KLHL23: variants seen among roughly 807,000 people sequenced by gnomAD.
KLHL23 encodes kelch like family member 23, also known as kelch-like protein 23.
KLHL23 carries 33 observed loss-of-function variants against 48.9 expected under a neutral mutation model. The ratio of observed to expected loss-of-function variants is 0.67; its 90% confidence interval spans 0.51 to 0.90. KLHL23 has a LOEUF of 0.90. KLHL23 is among the 40% of genes least tolerant of loss of function. The pLI, the probability that KLHL23 is intolerant of heterozygous loss-of-function variation, is 0.00. For synonymous variants in KLHL23, 234 were observed against 231.6 expected, an observed-to-expected ratio of 1.01 and a Z score of -0.09; for missense variants, 608 against 669.6, an observed-to-expected ratio of 0.91 and a Z score of 1.02.
intron 2 of KLHL23, among the ~76,000 whole-genome samples, chr2:169,738,984 CCTCCCCCTCCT>C: frequency 1.1e-4 from 1 of 9,290 alleles, no homozygotes; most frequent in African/African-American, 7.5e-4. Context: ...TTCCCCTCCC[CCTCCCCCTCCT>C]CCCCTTCCCC....
chr2:169,750,144 ATGTG>A lies in KLHL23; in HGVS notation c.*414_*417del, dbSNP rs71006031. 1,467 of 124,028 alleles carry A rather than the reference ATGTG, an allele frequency of 0.012. 52 individuals are homozygous for A. Among genetic ancestry groups the A allele is most frequent in the African/African-American group, 0.042 (1,271 of 30,028 alleles). 7.7% of individuals were successfully genotyped at this position (124,028 alleles called of 1,614,324 possible). On this transcript the variant is annotated 3_prime_UTR_variant, in exon 4 of 4. Coordinates refer to ENST00000392647, the MANE Select transcript of KLHL23 (RefSeq NM_144711.6). The stretch of plus-strand genomic sequence containing the variant: ...TATATATACACATATATACGTATAT[ATGTG>A]TATATATATACACAGTTGAATCAGT...
chr2:169,745,053 C>T (rs1224021735), intron 3 of KLHL23, among the ~76,000 whole-genome samples: 1 of 151,390 alleles, frequency 6.6e-6, no homozygotes, highest in Non-Finnish European at 1.5e-5. Flanking sequence ...GCTGGGATTA[C>T]AGGCATGCAC....
chr2:169,749,388 A>C lies in KLHL23; in HGVS notation c.1367-34A>C, dbSNP rs769316285. On this transcript the variant is annotated intron_variant, in intron 3 of 3. Transcript: ENST00000392647. ...AATCTCTTTTGTTTGTTATCCTTTA[A>C]AAAAATGCTGTTTTCTTTTTTTCTT... 4.1e-4 allele frequency: 633 copies of C among 1,528,632 alleles called. 3 individuals are homozygous for C. Among genetic ancestry groups the C allele is most frequent in the Non-Finnish European group, 5.2e-4 (588 of 1,138,610 alleles). 94.7% of individuals were successfully genotyped at this position (1,528,632 alleles called of 1,614,324 possible). A position where few individuals can be genotyped will look rare whatever the true frequency, so the allele number is the denominator to read the frequency against.
chr2:169,745,136 T>G (rs1480864503), intron 3 of KLHL23, among the ~76,000 whole-genome samples: 1 of 151,520 alleles, frequency 6.6e-6, no homozygotes, highest in African/African-American at 2.4e-5. Context: ...AGGCTGGTCT[T>G]GAACTCCTGG....
Position 169,733,985 on chromosome 2 carries a change from T to A in KLHL23, c.-105T>A, listed in dbSNP as rs1688447119. 1 of 151,864 alleles carries A rather than the reference T, an allele frequency of 6.6e-6. No individual in the cohort carries two copies. The highest frequency in any genetic ancestry group is 2.1e-4 in the South Asian group (1 of 4,830). 9.4% of individuals were successfully genotyped at this position (151,864 alleles called of 1,614,324 possible). On this transcript the variant is annotated 5_prime_UTR_variant, in exon 1 of 4. Transcript: ENST00000392647. ...GGTGGAGCGGCACTAGCTGGCGGCT[T>A]CCGAGCGCCTCTTCCAAAGATGGTC...
At chr2:169,736,267 C>G (rs989433706) in intron 2 of KLHL23, 40 bp downstream of exon 2, 10 of 1,547,312 alleles carry the variant, frequency 6.5e-6, no homozygotes, top group Non-Finnish European at 8.7e-6. Context: ...TTTTAGATGT[C>G]TGGAGCTAGG....
chr2:169,749,857 G>C lies in KLHL23; in HGVS notation c.*125G>C. 8.4e-7 allele frequency: 1 copy of C among 1,187,414 alleles called. No homozygotes were observed. The highest frequency in any genetic ancestry group is 1.1e-6 in the Non-Finnish European group (1 of 869,802). 73.6% of individuals were successfully genotyped at this position (1,187,414 alleles called of 1,614,324 possible). A position where few individuals can be genotyped will look rare whatever the true frequency, so the allele number is the denominator to read the frequency against. ...GCACATGATAGGGGATCAGTAAATTGTAATTCCTAACCCTACTGTACTCCC... is the reference window on the plus strand; with the variant it reads ...GCACATGATAGGGGATCAGTAAATTCTAATTCCTAACCCTACTGTACTCCC... On this transcript the variant is annotated 3_prime_UTR_variant, in exon 4 of 4. Coordinates refer to ENST00000392647, the MANE Select transcript of KLHL23 (RefSeq NM_144711.6).
chr2:169,741,310 A>G (rs2105649578), intron 2 of KLHL23, 75 bp from the exon 3 acceptor site: 1 of 1,526,108 alleles, frequency 6.6e-7, no homozygotes, highest in East Asian at 2.3e-5. Flanking sequence ...AAAAACAACA[A>G]TAAATTTAGC....
intron 3 of KLHL23, among the ~76,000 whole-genome samples, chr2:169,742,248 A>T (rs972018132): frequency 1.3e-5 from 2 of 152,228 alleles, no homozygotes; most frequent in Admixed American, 1.3e-4. Flanking sequence ...ATAGAGCATC[A>T]GGCTTCCATG....
At position 169,749,688 on chromosome 2, in the gene KLHL23, A is replaced by G; in HGVS notation, c.1633A>G (p.Ser545Gly). 6.2e-7 allele frequency: 1 copy of G among 1,613,042 alleles called. No individual in the cohort carries two copies. The highest frequency in any genetic ancestry group is 8.5e-7 in the Non-Finnish European group (1 of 1,179,034). The part of the protein sequence containing the change: ...NKWEIVGNLP[S>G]AMRSHGCVCV... The stretch of plus-strand genomic sequence containing the variant: ...GTGGGAAATAGTGGGTAATCTTCCC[A>G]GTGCCATGCGGTCTCATGGGTGTGT... Residue 545 changes from serine to glycine, a missense_variant, in exon 4 of 4, where the codon AGT becomes GGT. By Grantham distance (56) the Ser-to-Gly change is moderately conservative. This residue lies in a region of KLHL23 where 179 missense variants were observed against 169.9 expected (regional missense o/e 1.05). Coordinates refer to ENST00000392647, the MANE Select transcript of KLHL23 (RefSeq NM_144711.6).
At chr2:169,739,454 A>C (rs925804671) in intron 2 of KLHL23, among the ~76,000 whole-genome samples, 5 of 152,110 alleles carry the variant, frequency 3.3e-5, no homozygotes, top group Non-Finnish European at 7.4e-5. Flanking sequence ...AACAACCCTC[A>C]ATGTGCCACC....
rs1480852543 is a variant in KLHL23, at chr2:169,737,867, G to A, written c.1213+1640G>A. Among the ~76,000 whole-genome samples, 3 of 152,158 alleles carry A rather than the reference G, an allele frequency of 2.0e-5. No homozygotes were observed. The East Asian group carries it at 5.8e-4, about 29-fold the overall frequency. On this transcript the variant is annotated intron_variant, in intron 2 of 3. Transcript: ENST00000392647. Reference sequence around the variant, plus strand: ...TGACCTCAAGTGATCCCCCCACCTTGGCCTCCCAAAGTGCTGGGATTACAA... The same window carrying A: ...TGACCTCAAGTGATCCCCCCACCTTAGCCTCCCAAAGTGCTGGGATTACAA...
Position 169,741,387 on chromosome 2 carries a change from G to A in KLHL23, c.1216G>A (p.Val406Met). 2 of 1,609,256 alleles carry A rather than the reference G, an allele frequency of 1.2e-6. No homozygotes were observed. The highest frequency in any genetic ancestry group is 1.1e-5 in the South Asian group (1 of 90,798). The change falls in exon 3 of 4, where the codon GTG (valine) becomes ATG (methionine). Residue 406 changes from valine to methionine, a missense_variant and splice_region_variant. Val to Met is a conservative substitution (Grantham distance 21). This residue lies in a region of KLHL23 where 10 missense variants were observed against 26.6 expected (regional missense o/e 0.38). Transcript: ENST00000392647. ...ATGTGATTTTAATTAATACGTAGGT[G>A]TGGGAAATGCTACTGCCTGTGTCTT... ...WIPIANMIKG[V>M]GNATACVLHD...
At chr2:169,741,684 T>C in intron 3 of KLHL23, 147 bp downstream of exon 3, 2 of 1,016,432 alleles carry the variant, frequency 2.0e-6, no homozygotes, top group Non-Finnish European at 1.4e-6. Flanking sequence ...TATTCATATA[T>C]GTCCATCTAA....
chr2:169,736,058 A>G lies in KLHL23; in HGVS notation c.1044A>G (p.Glu348=), dbSNP rs776783932. 4 of 1,614,182 alleles carry G rather than the reference A, an allele frequency of 2.5e-6. No individual in the cohort carries two copies. The highest frequency in any genetic ancestry group is 3.4e-6 in the Non-Finnish European group (4 of 1,180,038). Residue 348 remains glutamate (E), a synonymous_variant, in exon 2 of 4, where the codon GAA becomes GAG. Transcript: ENST00000392647. The part of the protein sequence containing the change: ...TVWIYNSESD[E]WTEGLPMLNA... ...GGATCTATAACAGTGAAAGTGATGA[A>G]TGGACAGAAGGTTTGCCAATGCTCA...
chr2:169,734,900 T>C, intron 1 of KLHL23, 113 bp from the exon 2 acceptor site: 16 of 1,367,334 alleles, frequency 1.2e-5, no homozygotes, highest in Non-Finnish European at 1.6e-5. Flanking sequence ...ATTTAGATGC[T>C]GAACTTAGTC....
chr2:169,741,299 C>G, intron 2 of KLHL23, 86 bp from the exon 3 acceptor site: 1 of 1,507,900 alleles, frequency 6.6e-7, no homozygotes, highest in Non-Finnish European at 8.9e-7. Context: ...TCAGTAATAA[C>G]AAAAACAACA....
chr2:169,746,620 A>G (rs1014566361), intron 3 of KLHL23, among the ~76,000 whole-genome samples: 5 of 152,248 alleles, frequency 3.3e-5, no homozygotes, highest in South Asian at 2.1e-4. Flanking sequence ...AAAAAACGCA[A>G]TTACAGCTCA....
At chr2:169,741,272 T>C in intron 2 of KLHL23, 113 bp from the exon 3 acceptor site, 4 of 1,401,610 alleles carry the variant, frequency 2.9e-6, no homozygotes, top group South Asian at 1.4e-5. Context: ...CTTAGCACAG[T>C]ACCTTGCATT....
Sources: gnomAD v4.1 joint callset for allele counts (sites outside exome capture counted in the v4.1 genomes callset) on GRCh38, gnomAD v4.1.1 for gene constraint, gnomAD v4.1.1 regional missense constraint, MANE v1.5 for transcripts, NCBI Gene and HGNC (gene_info 2026-07-23, HGNC 2026-07-21) for gene names.